The following KIF1C variants were observed in gnomAD, a reference collection of about 807,000 sequenced individuals.
KIF1C encodes the protein kinesin-like protein KIF1C.
Under a neutral mutation model 126.5 loss-of-function variants are expected in KIF1C, and 61 were observed. The observed-to-expected ratio is 0.48, with a 90% CI of 0.39 to 0.60. The LOEUF (loss-of-function observed/expected upper bound fraction) is 0.60. Among genes scored for constraint, KIF1C ranks in the 20% least tolerant of loss-of-function variants. The probability of loss-of-function intolerance (pLI) is 0.00; values close to 1 mark genes in which losing one functional copy is unlikely to be tolerated. For synonymous variants in KIF1C, 640 were observed against 580.6 expected (o/e 1.10, Z -1.47); for missense variants, 1,315 against 1,489.2 (o/e 0.88, Z 1.93).
chr17:5,016,206 C>T (rs993148038), intron 18 of KIF1C, among the ~76,000 whole-genome samples: 2 of 150,746 alleles, frequency 1.3e-5, no homozygotes, highest in East Asian at 2.0e-4. Context: ...GGTGCGATCT[C>T]GACTCACTGC....
chr17:5,013,793 T>G (rs1597855929), intron 17 of KIF1C, 61 bp downstream of exon 17: 1 of 1,304,774 alleles, frequency 7.7e-7, no homozygotes, highest in East Asian at 2.3e-5. Context: ...CTGCCAAGGG[T>G]TGTCCACATT....
chr17:5,010,263 C>T (rs1191467654), intron 16 of KIF1C, among the ~76,000 whole-genome samples: 5 of 151,932 alleles, frequency 3.3e-5, no homozygotes, highest in East Asian at 1.9e-4. Flanking sequence ...ATTTTTTTCA[C>T]GGTGTCAGGG....
At chr17:5,006,867 G>C in intron 13 of KIF1C, 48 bp from the exon 14 acceptor site, 1 of 1,593,822 alleles carries the variant, frequency 6.3e-7, no homozygotes, top group East Asian at 2.2e-5. Context: ...TCTCTCATCA[G>C]CTCCTTCTTT....
intron 7 of KIF1C, 32 bp downstream of exon 7, chr17:5,002,674 G>A: frequency 6.2e-7 from 1 of 1,611,922 alleles, no homozygotes; most frequent in Non-Finnish European, 8.5e-7. Context: ...GAGGGCAAGG[G>A]GGCCAGGGTT....
intron 6 of KIF1C, 31 bp from the exon 7 acceptor site, chr17:5,002,433 T>C: frequency 6.4e-7 from 1 of 1,556,856 alleles, no homozygotes; most frequent in Non-Finnish European, 8.7e-7. Context: ...TTTGCTAGTT[T>C]TGTTACTTCT....
At position 4,998,639 on chromosome 17, in the gene KIF1C, A is replaced by AG. The variant is rs532774582; in HGVS notation, c.-149+488dup. Among the ~76,000 whole-genome samples the AG allele has an allele frequency of 4.6e-4, 70 of 152,068 alleles. 1 individual carries two copies. The highest frequency in any genetic ancestry group is 8.5e-4 in the Admixed American group (13 of 15,276). ...TCCTTCCCTCCCCTGGTCAGGGTCT[A>AG]GGGGGTCAGGGCTGTTCTTCCTGAG... On this transcript the variant is annotated intron_variant, in intron 1 of 22. Coordinates refer to ENST00000320785, the MANE Select transcript of KIF1C (RefSeq NM_006612.6).
In KIF1C at chr17:5,019,219, A is replaced by G. The variant is rs542445895; in HGVS notation, c.1667-777A>G. 35 of 167,732 alleles carry G rather than the reference A, an allele frequency of 2.1e-4. No homozygotes were observed. In the Admixed American group the frequency reaches 2.3e-3, roughly 11 times the overall value. 10.4% of individuals were successfully genotyped at this position (167,732 alleles called of 1,614,324 possible). ...TTATAATAATAAAACACATGTTTGC[A>G]TGTTATTTTATGGTTTACTTTTTTG... On this transcript the variant is annotated intron_variant, in intron 18 of 22. Coordinates refer to ENST00000320785, the MANE Select transcript of KIF1C (RefSeq NM_006612.6).
At chr17:5,018,872 A>G (rs1324162279) in intron 18 of KIF1C, among the ~76,000 whole-genome samples, 2 of 152,144 alleles carry the variant, frequency 1.3e-5, no homozygotes, top group Non-Finnish European at 2.9e-5. Flanking sequence ...TTTGGAAGAT[A>G]GTAGGAGTGT....
At chr17:5,009,615 C>T (rs1288923468) in intron 16 of KIF1C, among the ~76,000 whole-genome samples, 8 of 151,380 alleles carry the variant, frequency 5.3e-5, no homozygotes, top group Non-Finnish European at 7.4e-5. Context: ...AGTGAAACCC[C>T]GTCTCTACTA....
chr17:5,013,604 A>G lies in KIF1C; in HGVS notation c.1492-49A>G, dbSNP rs549899244. The G allele has an allele frequency of 2.7e-5, 37 of 1,383,736 alleles. 1 individual carries two copies. The highest frequency in any genetic ancestry group is 9.4e-5 in the South Asian group (8 of 85,356). 85.7% of individuals were successfully genotyped at this position (1,383,736 alleles called of 1,614,324 possible). A position where few individuals can be genotyped will look rare whatever the true frequency, so the allele number is the denominator to read the frequency against. Reference sequence around the variant, plus strand: ...CCCACCGCTCCCTTTCTTCCTTTCTATAGCACCCCTGGCTGGCTCCCCCTG... The same window carrying G: ...CCCACCGCTCCCTTTCTTCCTTTCTGTAGCACCCCTGGCTGGCTCCCCCTG... On this transcript the variant is annotated intron_variant, in intron 16 of 22. Coordinates refer to ENST00000320785, the MANE Select transcript of KIF1C (RefSeq NM_006612.6).
rs753129039 is a variant in KIF1C at position 5,020,831 on chromosome 17, C to T, written c.1963C>T (p.Arg655Trp). The change falls in exon 21 of 23, where the codon CGG (arginine) becomes TGG (tryptophan). Residue 655 changes from arginine to tryptophan, a missense_variant. By Grantham distance (101) the Arg-to-Trp change is moderately radical (BLOSUM62 -3). Around this residue, in one of 2 missense-constraint regions of KIF1C, gnomAD observed 874 missense variants for 1,053.2 expected, o/e 0.83. Transcript: ENST00000320785. The surrounding 1 kb of genome is among the most constrained non-coding windows in gnomAD (Gnocchi z 5.8). ...GCTGCAGGATCTGGAGAATCAGTAC[C>T]GGAAAGAAAAGGAAGAAGCCGATCT... is the stretch of plus-strand genomic sequence containing the variant. The part of the protein sequence containing the change: ...KRLQDLENQY[R>W]KEKEEADLLL... 15 of 1,592,754 alleles carry T rather than the reference C, an allele frequency of 9.4e-6. No homozygotes were observed. The highest frequency in any genetic ancestry group is 2.3e-5 in the South Asian group (2 of 88,818).
rs1170566114 is a variant in KIF1C at position 5,003,704 on chromosome 17, GA to G, written c.798+16del. On this transcript the variant is annotated intron_variant, in intron 9 of 22. Transcript: ENST00000320785. ...TGCGCCTGAAGGTGAGGGGCCTTCA[GA>G]GGGTGGTTTGTTGTGGGGCAGTGTT... is the stretch of plus-strand genomic sequence containing the variant. 1 of 1,611,762 alleles carries G rather than the reference GA, an allele frequency of 6.2e-7. No homozygotes were observed. Among genetic ancestry groups the G allele is most frequent in the Non-Finnish European group, 8.5e-7 (1 of 1,178,146 alleles).
chr17:5,017,469 C>A (rs1459314438), intron 18 of KIF1C, among the ~76,000 whole-genome samples: 2 of 151,782 alleles, frequency 1.3e-5, no homozygotes, highest in Admixed American at 6.6e-5. Flanking sequence ...ACACCCGGCT[C>A]ATTTTTTTGT....
intron 3 of KIF1C, 130 bp downstream of exon 3, chr17:5,000,482 G>A (rs998519642): frequency 1.7e-5 from 12 of 712,786 alleles, no homozygotes; most frequent in African/African-American, 1.4e-4. Flanking sequence ...TCGTAAGGGC[G>A]GGGGCTGGGG....
intron 18 of KIF1C, among the ~76,000 whole-genome samples, chr17:5,016,984 G>T (rs1010615193): frequency 6.6e-6 from 1 of 152,028 alleles, no homozygotes; most frequent in African/African-American, 2.4e-5. Flanking sequence ...TTCTGGTCTG[G>T]TTCAAGTCCT....
rs570806315 is a variant in KIF1C at position 5,023,162 on chromosome 17, G to C, written c.2629-306G>C. ...CCTGAGTAGCTGGGACTACAGGCGC[G>C]CACCACCACACCCGGCTAATTTTTT... is the stretch of plus-strand genomic sequence containing the variant. On this transcript the variant is annotated intron_variant, in intron 22 of 22. Transcript: ENST00000320785. This position sits in a 1 kb window ranked among gnomAD's most constrained non-coding sequence, Gnocchi z 4.2. 5.3e-5 allele frequency among the ~76,000 whole-genome samples: 8 copies of C among 151,972 alleles called. No individual in the cohort carries two copies. The highest frequency in any genetic ancestry group is 3.9e-4 in the East Asian group (2 of 5,170).
intron 11 of KIF1C, 23 bp downstream of exon 11, chr17:5,004,096 C>G (rs1348762185): frequency 5.3e-6 from 8 of 1,517,788 alleles, no homozygotes; most frequent in Admixed American, 1.7e-5. Context: ...TCCTCTTTCT[C>G]TGCCGACCCT....
intron 18 of KIF1C, 24 bp downstream of exon 18, chr17:5,014,861 G>A (rs774850462): frequency 5.2e-6 from 8 of 1,543,040 alleles, no homozygotes; most frequent in South Asian, 4.7e-5. Context: ...GGGTGAGAGA[G>A]GCCAGACAGG....
chr17:5,007,089 G>A lies in KIF1C; in HGVS notation c.1335+5G>A. 1 of 1,583,822 alleles carries A rather than the reference G, an allele frequency of 6.3e-7. No homozygotes were observed. Among genetic ancestry groups the A allele is most frequent in the Non-Finnish European group, 8.6e-7 (1 of 1,168,042 alleles). On this transcript the variant is annotated splice_donor_5th_base_variant and intron_variant, in intron 14 of 22. Coordinates refer to ENST00000320785, the MANE Select transcript of KIF1C (RefSeq NM_006612.6). ...GAAGCCATGGAGAGGCTGCAGGTGG[G>A]AAGCTGGAGCTGGCAAGGGCTGGGG...
Sources: gnomAD v4.1 joint callset for allele counts (sites outside exome capture counted in the v4.1 genomes callset) on GRCh38, gnomAD v4.1.1 for gene constraint, gnomAD v4.1.1 regional missense constraint, Gnocchi (gnomAD v3.1) non-coding constraint, MANE v1.5 for transcripts, NCBI Gene and HGNC (gene_info 2026-07-23, HGNC 2026-07-21) for gene names.